The following ADCY2 variants were observed in gnomAD, a reference collection of about 807,000 sequenced individuals.
ADCY2 encodes the protein adenylate cyclase type 2.
A neutral mutation model predicts 125.2 loss-of-function variants in ADCY2; 31 were observed. The ratio of observed to expected loss-of-function variants is 0.25; its 90% confidence interval spans 0.19 to 0.33. ADCY2 has a LOEUF of 0.33. Ranked by LOEUF, ADCY2 falls within the 10% of genes least tolerant of loss-of-function variation. The probability of loss-of-function intolerance (pLI) is 1.00; values close to 1 mark genes in which losing one functional copy is unlikely to be tolerated. For synonymous variants in ADCY2, 512 were observed against 548.4 expected (o/e 0.93, Z 0.93); for missense variants, 904 against 1,418.2 (o/e 0.64, Z 5.82).
intron 8 of ADCY2, 143 bp downstream of exon 8, chr5:7,707,045 T>G: frequency 9.6e-7 from 1 of 1,043,722 alleles, no homozygotes; most frequent in South Asian, 1.7e-5. Flanking sequence ...CAACGGCCTC[T>G]TATGTTAAGC....
chr5:7,477,275 A>G (rs1742561445), intron 2 of ADCY2, among the ~76,000 whole-genome samples: 1 of 152,238 alleles, frequency 6.6e-6, no homozygotes, highest in South Asian at 2.1e-4. Context: ...TTAAATGAAA[A>G]TAGAAAAGCT....
At chr5:7,800,281 A>C (rs1298856158) in intron 20 of ADCY2, 1 of 152,184 alleles carries the variant, frequency 6.6e-6, no homozygotes, top group Non-Finnish European at 1.5e-5. Flanking sequence ...AGTGCTGGCT[A>C]TTATTGTGCT....
At chr5:7,733,521 T>C (rs1433894213) in intron 14 of ADCY2, among the ~76,000 whole-genome samples, 1 of 152,148 alleles carries the variant, frequency 6.6e-6, no homozygotes, top group African/African-American at 2.4e-5. Context: ...ACTCAAGGGC[T>C]CAGTTCTGGA....
intron 2 of ADCY2, among the ~76,000 whole-genome samples, chr5:7,442,548 TGA>T (rs1357810532): frequency 1.3e-5 from 2 of 152,178 alleles, no homozygotes; most frequent in African/African-American, 2.4e-5. Context: ...TTCCTGGGAC[TGA>T]GATAGATCAG....
intron 17 of ADCY2, among the ~76,000 whole-genome samples, chr5:7,772,460 A>G (rs1743584950): frequency 6.6e-6 from 1 of 152,170 alleles, no homozygotes; most frequent in Admixed American, 6.5e-5. Context: ...CTTTTAATAA[A>G]ATGTCTGGGC....
At chr5:7,728,648 G>C (rs1009485909) in intron 14 of ADCY2, among the ~76,000 whole-genome samples, 1 of 152,170 alleles carries the variant, frequency 6.6e-6, no homozygotes, top group Non-Finnish European at 1.5e-5. Context: ...TGGTAGAGCA[G>C]AAAAGCATTT....
intron 2 of ADCY2, among the ~76,000 whole-genome samples, chr5:7,492,780 G>A (rs1051401144): frequency 6.6e-6 from 1 of 152,080 alleles, no homozygotes; most frequent in African/African-American, 2.4e-5. Context: ...AGGTGAAGGT[G>A]TTATAATAGT....
intron 14 of ADCY2, among the ~76,000 whole-genome samples, chr5:7,743,238 G>T (rs527858020): frequency 6.6e-6 from 1 of 151,758 alleles, no homozygotes; most frequent in Non-Finnish European, 1.5e-5. Context: ...ATGTCTCCTG[G>T]GTCAACAGGA....
chr5:7,703,491 C>T (rs1227781430), intron 7 of ADCY2, among the ~76,000 whole-genome samples: 1 of 151,916 alleles, frequency 6.6e-6, no homozygotes, highest in Non-Finnish European at 1.5e-5. Context: ...AATCCTTTCC[C>T]CATTTCTTGT....
chr5:7,459,809 G>A (rs1287334149), intron 2 of ADCY2, among the ~76,000 whole-genome samples: 9 of 92,070 alleles, frequency 9.8e-5, no homozygotes, highest in African/African-American at 2.9e-4. Flanking sequence ...TTTTTTTGAC[G>A]GGAGTCTGGC....
chr5:7,817,067 G>A, intron 23 of ADCY2, 87 bp downstream of exon 23: 1 of 993,320 alleles, frequency 1.0e-6, no homozygotes, highest in East Asian at 2.5e-5. Context: ...GATCCTTTCA[G>A]TGTTGGAGTA....
At chr5:7,574,556 A>C (rs189265980) in intron 3 of ADCY2, among the ~76,000 whole-genome samples, 3 of 152,334 alleles carry the variant, frequency 2.0e-5, no homozygotes, top group African/African-American at 7.2e-5. Flanking sequence ...AACAGATGCA[A>C]ATATCTTCTT....
chr5:7,527,011 A>G (rs915540953), intron 3 of ADCY2, among the ~76,000 whole-genome samples: 40 of 152,264 alleles, frequency 2.6e-4, no homozygotes, highest in African/African-American at 9.4e-4. Context: ...TCATAGGATA[A>G]CATGCATTTG....
chr5:7,481,090 G>C (rs1742712248), intron 2 of ADCY2, among the ~76,000 whole-genome samples: 2 of 152,066 alleles, frequency 1.3e-5, no homozygotes, highest in Non-Finnish European at 2.9e-5. Flanking sequence ...ACTAATTTAT[G>C]TTTTCACCAA....
chr5:7,758,517 C>T (rs919198740), intron 16 of ADCY2, among the ~76,000 whole-genome samples: 5 of 152,130 alleles, frequency 3.3e-5, no homozygotes, highest in Non-Finnish European at 5.9e-5. Flanking sequence ...ATAATAATAA[C>T]GTCGTTTTTA....
At chr5:7,539,276 A>T (rs115331159) in intron 3 of ADCY2, among the ~76,000 whole-genome samples, 5 of 152,074 alleles carry the variant, frequency 3.3e-5, no homozygotes, top group African/African-American at 1.2e-4. Flanking sequence ...TTGCAAGTTC[A>T]TTGAGCTATC....
chr5:7,707,867 G>A (rs376018386), intron 9 of ADCY2, 29 bp downstream of exon 9: 69 of 1,601,612 alleles, frequency 4.3e-5, no homozygotes, highest in Non-Finnish European at 5.6e-5. Context: ...AGTCTATGAT[G>A]AAAAGGGAGG....
chr5:7,820,491 C>T, intron 23 of ADCY2, 74 bp from the exon 24 acceptor site: 2 of 1,546,938 alleles, frequency 1.3e-6, no homozygotes, highest in Non-Finnish European at 1.7e-6. Flanking sequence ...AAGACCCCAT[C>T]TCAAAAAATA....
intron 3 of ADCY2, among the ~76,000 whole-genome samples, chr5:7,550,961 T>C (rs970389477): frequency 8.5e-5 from 13 of 152,164 alleles, no homozygotes; most frequent in Admixed American, 6.5e-5. Flanking sequence ...AGTCACTTGA[T>C]TTAAGAAGCA....
Sources: gnomAD v4.1 joint callset for allele counts (sites outside exome capture counted in the v4.1 genomes callset) on GRCh38, gnomAD v4.1.1 for gene constraint, MANE v1.5 for transcripts, NCBI Gene and HGNC (gene_info 2026-07-23, HGNC 2026-07-21) for gene names.